SH3RF3: variants seen among roughly 807,000 people sequenced by gnomAD.
The protein encoded by SH3RF3 is E3 ubiquitin-protein ligase SH3RF3.
A neutral mutation model predicts 66.3 loss-of-function variants in SH3RF3; 29 were observed. The ratio of observed to expected loss-of-function variants is 0.44; its 90% CI spans 0.33 to 0.60. SH3RF3 has a LOEUF of 0.60. Among genes scored for constraint, SH3RF3 ranks in the 20% least tolerant of loss-of-function variants. SH3RF3 has a pLI of 0.04. For missense variants in SH3RF3, 1,194 were observed against 1,190.9 expected (o/e 1.00, Z -0.04); for synonymous variants, 583 against 532.0 (o/e 1.10, Z -1.32).
At position 109,437,036 on chromosome 2, in the gene SH3RF3, C is replaced by A; in HGVS notation, c.1718C>A (p.Thr573Asn). 6.2e-7 allele frequency: 1 copy of A among 1,613,902 alleles called. No homozygotes were observed. The highest frequency in any genetic ancestry group is 8.5e-7 in the Non-Finnish European group (1 of 1,179,904). The change falls in exon 7 of 10, where the codon ACC (threonine) becomes AAC (asparagine). Residue 573 changes from threonine to asparagine, a missense_variant. By Grantham distance (65) the Thr-to-Asn change is moderately conservative. Coordinates refer to ENST00000309415, the MANE Select transcript of SH3RF3 (RefSeq NM_001099289.3). ...ATATRPALPI[T>N]TPQAHAQHPT... ...GCCACCAGGCCCGCCCTGCCCATCA[C>A]CACTCCCCAGGCCCACGCCCAGCAC...
intron 1 of SH3RF3, among the ~76,000 whole-genome samples, chr2:109,275,112 G>A (rs1273171207): frequency 2.6e-5 from 4 of 152,046 alleles, no homozygotes; most frequent in African/African-American, 9.7e-5. Context: ...TGTGTTCCAC[G>A]CTTGTCTGCC....
chr2:109,288,809 C>G (rs1681097688), intron 1 of SH3RF3, among the ~76,000 whole-genome samples: 2 of 152,192 alleles, frequency 1.3e-5, no homozygotes, highest in South Asian at 4.1e-4. Flanking sequence ...GGACTCAAAT[C>G]ACTTTCTTAT....
chr2:109,240,168 C>T (rs1165123541), intron 1 of SH3RF3, among the ~76,000 whole-genome samples: 1 of 152,164 alleles, frequency 6.6e-6, no homozygotes, highest in African/African-American at 2.4e-5. Flanking sequence ...ATGGATCACC[C>T]ATTTATCACC....
At chr2:109,306,301 C>G (rs1414924994) in intron 1 of SH3RF3, among the ~76,000 whole-genome samples, 1 of 152,184 alleles carries the variant, frequency 6.6e-6, no homozygotes, top group Non-Finnish European at 1.5e-5. Context: ...TGTTTGCATT[C>G]CACCCTGCGA....
At chr2:109,159,125 G>C (rs1168548780) in intron 1 of SH3RF3, among the ~76,000 whole-genome samples, 1 of 123,702 alleles carries the variant, frequency 8.1e-6, no homozygotes, top group Non-Finnish European at 1.9e-5. Flanking sequence ...TCAAAACAAA[G>C]AAACAAAAAG....
chr2:109,325,020 A>T (rs1682117237), intron 1 of SH3RF3, among the ~76,000 whole-genome samples: 1 of 149,118 alleles, frequency 6.7e-6, no homozygotes, highest in African/African-American at 2.4e-5. Flanking sequence ...TGGCTTGCGT[A>T]AGAGATGTTT....
chr2:109,193,492 A>C (rs1221217814), intron 1 of SH3RF3, among the ~76,000 whole-genome samples: 1 of 152,128 alleles, frequency 6.6e-6, no homozygotes. Context: ...TTTTCATATG[A>C]ATGGAATCAT....
chr2:109,289,181 A>G (rs1439910179), intron 1 of SH3RF3, among the ~76,000 whole-genome samples: 1 of 152,188 alleles, frequency 6.6e-6, no homozygotes, highest in Non-Finnish European at 1.5e-5. Context: ...CTCTCTCTGC[A>G]GAAAAAGCCC....
chr2:109,356,817 T>C (rs1192813889), intron 2 of SH3RF3, among the ~76,000 whole-genome samples: 1 of 152,126 alleles, frequency 6.6e-6, no homozygotes, highest in Non-Finnish European at 1.5e-5. Flanking sequence ...AAAATAAGCC[T>C]GGTTCTTCAG....
chr2:109,198,662 A>G (rs1260242882), intron 1 of SH3RF3, among the ~76,000 whole-genome samples: 3 of 152,190 alleles, frequency 2.0e-5, no homozygotes, highest in Non-Finnish European at 4.4e-5. Flanking sequence ...TGCTCCTCAC[A>G]TGGTGGAGAC....
At chr2:109,351,809 C>T (rs772548874) in intron 2 of SH3RF3, among the ~76,000 whole-genome samples, 5 of 152,214 alleles carry the variant, frequency 3.3e-5, no homozygotes, top group Non-Finnish European at 7.3e-5. Flanking sequence ...GCTGTCCTAA[C>T]CCTCATCTCA....
intron 1 of SH3RF3, among the ~76,000 whole-genome samples, chr2:109,144,708 T>G (rs541728280): frequency 1.3e-5 from 2 of 152,350 alleles, no homozygotes; most frequent in South Asian, 4.1e-4. Flanking sequence ...GTTGGGCCAC[T>G]CCCAGGCCCA....
At chr2:109,237,911 A>T (rs1679686021) in intron 1 of SH3RF3, among the ~76,000 whole-genome samples, 1 of 152,246 alleles carries the variant, frequency 6.6e-6, no homozygotes, top group Non-Finnish European at 1.5e-5. Context: ...ATGGTATATA[A>T]ATTAACTTAG....
chr2:109,249,800 G>A (rs1009117247), intron 1 of SH3RF3, among the ~76,000 whole-genome samples: 2 of 151,628 alleles, frequency 1.3e-5, no homozygotes, highest in Admixed American at 1.3e-4. Context: ...GGGACTACAG[G>A]CGCCCGCCAC....
chr2:109,265,537 G>T (rs1353115492), intron 1 of SH3RF3, among the ~76,000 whole-genome samples: 1 of 152,174 alleles, frequency 6.6e-6, no homozygotes, highest in Non-Finnish European at 1.5e-5. Flanking sequence ...TATAGGCTGG[G>T]GTCCCTGCAA....
chr2:109,416,072 G>T (rs1396139876), intron 4 of SH3RF3, among the ~76,000 whole-genome samples: 2 of 152,224 alleles, frequency 1.3e-5, no homozygotes, highest in African/African-American at 2.4e-5. Context: ...AAGTGGCCAT[G>T]CAGCATCGCA....
chr2:109,196,226 G>A (rs1052408655), intron 1 of SH3RF3, among the ~76,000 whole-genome samples: 1 of 152,294 alleles, frequency 6.6e-6, no homozygotes. Context: ...GGGGTGTTTG[G>A]GACGGCAGAG....
chr2:109,247,867 C>G (rs1679954772), intron 1 of SH3RF3, among the ~76,000 whole-genome samples: 1 of 152,170 alleles, frequency 6.6e-6, no homozygotes. Context: ...TCTTATATCC[C>G]CCAAAGGCTA....
chr2:109,485,453 T>G (rs1455500290), intron 8 of SH3RF3, among the ~76,000 whole-genome samples: 2 of 152,276 alleles, frequency 1.3e-5, no homozygotes, highest in Non-Finnish European at 2.9e-5. Context: ...TAACTGGCAC[T>G]GAATCTTAAT....
Sources: gnomAD v4.1 joint callset for allele counts (sites outside exome capture counted in the v4.1 genomes callset) on GRCh38, gnomAD v4.1.1 for gene constraint, MANE v1.5 for transcripts, NCBI Gene and HGNC (gene_info 2026-07-23, HGNC 2026-07-21) for gene names.